Variants in MINDY4 observed in about 807,000 individuals in gnomAD.
The protein encoded by MINDY4 is MINDY lysine 48 deubiquitinase 4.
A neutral mutation model predicts 87.0 loss-of-function variants in MINDY4; 68 were observed. The ratio of observed to expected loss-of-function variants is 0.78; its 90% CI spans 0.64 to 0.96. MINDY4 has a LOEUF of 0.96. Among genes scored for constraint, MINDY4 ranks in the 40% least tolerant of loss-of-function variants. The probability of loss-of-function intolerance (pLI) is 0.00; values close to 1 mark genes in which losing one functional copy is unlikely to be tolerated. For missense variants in MINDY4, 919 were observed against 928.2 expected, an observed-to-expected ratio of 0.99 and a Z score of 0.13; for synonymous variants, 379 against 363.2, an observed-to-expected ratio of 1.04 and a Z score of -0.50.
intron 15 of MINDY4, among the ~76,000 whole-genome samples, chr7:30,876,761 T>G (rs1790269661): frequency 6.6e-6 from 1 of 152,126 alleles, no homozygotes; most frequent in Admixed American, 6.5e-5. Context: ...CTTTTCACAG[T>G]GGCCACCCCC....
At chr7:30,875,366 T>C (rs1477291071) in intron 14 of MINDY4, 129 bp from the exon 15 acceptor site, 2 of 1,042,430 alleles carry the variant, frequency 1.9e-6, no homozygotes, top group Admixed American at 3.5e-5. Flanking sequence ...CAGCCTCCTC[T>C]GCTCTCAGGC....
intron 5 of MINDY4, among the ~76,000 whole-genome samples, chr7:30,826,730 TG>T (rs1275533596): frequency 6.6e-6 from 1 of 152,210 alleles, no homozygotes; most frequent in Non-Finnish European, 1.5e-5. Context: ...TAGGGTTACT[TG>T]CTGTGTAACC....
intron 2 of MINDY4, 75 bp downstream of exon 2, chr7:30,778,626 C>T: frequency 1.2e-5 from 18 of 1,564,136 alleles, no homozygotes; most frequent in Non-Finnish European, 1.6e-5. Context: ...TGGGCCCTGC[C>T]AGTGACAGGA....
chr7:30,787,258 T>C (rs1220845110), intron 4 of MINDY4, among the ~76,000 whole-genome samples: 1 of 152,204 alleles, frequency 6.6e-6, no homozygotes, highest in African/African-American at 2.4e-5. Context: ...CCCGCCACTG[T>C]GTAGTTCAGG....
chr7:30,773,341 G>A (rs1347273293), intron 1 of MINDY4, among the ~76,000 whole-genome samples: 2 of 152,188 alleles, frequency 1.3e-5, no homozygotes, highest in African/African-American at 4.8e-5. Flanking sequence ...ATTATTGTGA[G>A]ACCAGGAGGC....
chr7:30,853,555 G>C lies in MINDY4; in HGVS notation c.1677+96G>C. ...TGTGAACTGGAGTTGTTCTCCTGTC[G>C]TCCCACCCTGGGATGGCGAGGAAGC... On this transcript the variant is annotated intron_variant, in intron 12 of 17. Transcript: ENST00000265299. The C allele has an allele frequency of 3.6e-6, 4 of 1,109,996 alleles. No homozygotes were observed. The Admixed American group carries it at 7.9e-5, about 22-fold the overall frequency. The allele number at this position is 1,109,996 out of a possible 1,614,324, so 68.8% of individuals were successfully genotyped here.
chr7:30,819,240 G>A (rs1234341936), intron 5 of MINDY4, among the ~76,000 whole-genome samples: 2 of 152,040 alleles, frequency 1.3e-5, no homozygotes, highest in South Asian at 2.1e-4. Context: ...TATAAGTTGT[G>A]TTTTTAATGT....
intron 13 of MINDY4, among the ~76,000 whole-genome samples, chr7:30,867,884 A>G (rs1789988640): frequency 6.6e-6 from 1 of 152,186 alleles, no homozygotes; most frequent in Non-Finnish European, 1.5e-5. Context: ...GTCATGGACC[A>G]GGCACACTTG....
chr7:30,841,532 C>T (rs1212244097), intron 9 of MINDY4, among the ~76,000 whole-genome samples: 1 of 152,154 alleles, frequency 6.6e-6, no homozygotes, highest in African/African-American at 2.4e-5. Flanking sequence ...GCGAGGCCTT[C>T]TTGAGGAAGT....
intron 5 of MINDY4, among the ~76,000 whole-genome samples, chr7:30,815,679 A>G (rs551795857): frequency 1.3e-5 from 2 of 152,280 alleles, no homozygotes; most frequent in South Asian, 4.1e-4. Context: ...TTTTCCTTCG[A>G]GAAGATATTT....
intron 5 of MINDY4, among the ~76,000 whole-genome samples, chr7:30,816,687 A>G (rs1788161992): frequency 6.8e-6 from 1 of 146,480 alleles, no homozygotes; most frequent in Non-Finnish European, 1.5e-5. Flanking sequence ...GACCCAGATG[A>G]GAGAGACTTG....
intron 5 of MINDY4, among the ~76,000 whole-genome samples, chr7:30,825,846 T>C (rs1171533912): frequency 6.6e-6 from 1 of 152,254 alleles, no homozygotes; most frequent in Admixed American, 6.5e-5. Flanking sequence ...ACAAAGTGGC[T>C]TCAAACAACA....
At chr7:30,842,740 G>A (rs1489653885) in intron 9 of MINDY4, among the ~76,000 whole-genome samples, 1 of 152,148 alleles carries the variant, frequency 6.6e-6, no homozygotes, top group African/African-American at 2.4e-5. Flanking sequence ...TTCATCTTAC[G>A]GAGATAGGAA....
intron 14 of MINDY4, among the ~76,000 whole-genome samples, chr7:30,873,061 C>T (rs1331844626): frequency 1.3e-5 from 2 of 152,210 alleles, no homozygotes; most frequent in African/African-American, 4.8e-5. Flanking sequence ...CTCAGTTGTC[C>T]TGGGGGTCCT....
chr7:30,891,867 A>G (rs2128584662), intron 17 of MINDY4, 90 bp from the exon 18 acceptor site: 3 of 1,344,694 alleles, frequency 2.2e-6, no homozygotes, highest in Middle Eastern at 1.8e-4. Flanking sequence ...TCCAAGACAA[A>G]ACCTTCAGGA....
chr7:30,864,501 C>T (rs1789867460), intron 13 of MINDY4, among the ~76,000 whole-genome samples: 2 of 152,254 alleles, frequency 1.3e-5, no homozygotes, highest in South Asian at 4.1e-4. Context: ...GAATTGGTGT[C>T]TGTTCTTTTG....
intron 5 of MINDY4, among the ~76,000 whole-genome samples, chr7:30,824,225 A>G (rs1364925504): frequency 6.6e-6 from 1 of 152,200 alleles, no homozygotes; most frequent in African/African-American, 2.4e-5. Context: ...GTGCTGAGGT[A>G]GCTCAAGGCA....
At chr7:30,773,878 C>T (rs944880748) in intron 1 of MINDY4, among the ~76,000 whole-genome samples, 9 of 152,192 alleles carry the variant, frequency 5.9e-5, no homozygotes, top group Admixed American at 4.6e-4. Context: ...TACCATAACC[C>T]ACCTACCTCT....
chr7:30,774,936 C>G (rs1262644380), intron 1 of MINDY4, among the ~76,000 whole-genome samples: 4 of 152,052 alleles, frequency 2.6e-5, no homozygotes, highest in Non-Finnish European at 5.9e-5. Flanking sequence ...TGACAATTCC[C>G]AAATGTCTAT....
Sources: gnomAD v4.1 joint callset for allele counts (sites outside exome capture counted in the v4.1 genomes callset) on GRCh38, gnomAD v4.1.1 for gene constraint, MANE v1.5 for transcripts, NCBI Gene and HGNC (gene_info 2026-07-23, HGNC 2026-07-21) for gene names.